The following DNAH6 variants were observed in gnomAD, a reference collection of about 807,000 sequenced individuals.
DNAH6 encodes the protein dynein axonemal heavy chain 6.
A neutral mutation model predicts 491.4 loss-of-function variants in DNAH6; 340 were observed. The ratio of observed to expected loss-of-function variants is 0.69; its 90% CI spans 0.63 to 0.76. DNAH6 has a LOEUF of 0.76. Among genes scored for constraint, DNAH6 ranks in the 30% least tolerant of loss-of-function variants. The pLI is 0.00. For synonymous variants in DNAH6, 1,603 were observed against 1,686.1 expected (o/e 0.95, Z 1.21); for missense variants, 4,443 against 4,972.2 (o/e 0.89, Z 3.20).
At chr2:84,495,857 A>G in the DNAH6 span, among the ~76,000 whole-genome samples, 9 of 152,242 alleles carry the variant, frequency 5.9e-5, no homozygotes, top group Admixed American at 1.3e-4. Context: ...TTGAGAGGTG[A>G]TTGGTCACAG....
At chr2:84,764,991 A>C (rs921629764) in intron 64 of DNAH6, among the ~76,000 whole-genome samples, 1 of 137,212 alleles carries the variant, frequency 7.3e-6, no homozygotes, top group South Asian at 2.4e-4. Context: ...AATATAATAC[A>C]CTATGGCCAT....
At chr2:84,673,463 G>A (rs1432309687) in intron 40 of DNAH6, among the ~76,000 whole-genome samples, 5 of 152,240 alleles carry the variant, frequency 3.3e-5, no homozygotes, top group Non-Finnish European at 4.4e-5. Context: ...GAAAGGTTTA[G>A]AAGCCAGAAG....
chr2:84,704,353 A>G, intron 51 of DNAH6, 51 bp downstream of exon 51: 1 of 1,328,084 alleles, frequency 7.5e-7, no homozygotes, highest in East Asian at 2.5e-5. Flanking sequence ...AGAGTTCTTT[A>G]CTGTTTTCCT....
chr2:84,614,366 A>C (rs1473864188), intron 22 of DNAH6, among the ~76,000 whole-genome samples: 1 of 152,134 alleles, frequency 6.6e-6, no homozygotes, highest in African/African-American at 2.4e-5. Flanking sequence ...CCATTATTTC[A>C]TTCCGTTTTA....
intron 46 of DNAH6, among the ~76,000 whole-genome samples, chr2:84,696,290 C>T (rs946585062): frequency 5.3e-5 from 8 of 151,766 alleles, no homozygotes; most frequent in African/African-American, 9.7e-5. Flanking sequence ...AAGCTGTACT[C>T]GTAACATTCT....
rs2104794387 is a variant in DNAH6, at chr2:84,694,387, T to C, written c.7431T>C (p.Tyr2477=). The part of the protein sequence containing the change: ...KCLQIELSRG[Y]NYDSFHEDLR... ...TGCAGATTGAACTCAGCCGGGGATATAATTATGATAGTTTTCATGAAGACC... is the reference window on the plus strand; with the variant it reads ...TGCAGATTGAACTCAGCCGGGGATACAATTATGATAGTTTTCATGAAGACC... The change falls in exon 46 of 77, where the codon TAT becomes TAC. Residue 2477 remains tyrosine (Y), a synonymous_variant. Coordinates refer to ENST00000389394, the MANE Select transcript of DNAH6 (RefSeq NM_001370.2). The C allele has an allele frequency of 1.3e-6, 2 of 1,552,368 alleles. No homozygotes were observed. The highest frequency in any genetic ancestry group is 4.9e-5 in the East Asian group (2 of 40,926).
intron 31 of DNAH6, among the ~76,000 whole-genome samples, chr2:84,638,372 C>T (rs1240208182): frequency 6.6e-6 from 1 of 152,042 alleles, no homozygotes; most frequent in East Asian, 1.9e-4. Flanking sequence ...CAATAAAGAG[C>T]ACAGCTCACA....
At chr2:84,669,850 G>T (rs930503242) in intron 38 of DNAH6, among the ~76,000 whole-genome samples, 10 of 152,120 alleles carry the variant, frequency 6.6e-5, no homozygotes, top group African/African-American at 2.4e-4. Context: ...AAAGACAGTT[G>T]ATAGAGATCA....
Position 84,688,420 on chromosome 2 carries a change from C to A in DNAH6, c.7138-19C>A, listed in dbSNP as rs1694504740. On this transcript the variant is annotated intron_variant, in intron 44 of 76. Transcript: ENST00000389394. Reference sequence around the variant, plus strand: ...CTATCAGAATTGATCCAACTTGGTTCTTCTCCCATAAATTATAGTTTGGAG... The same window carrying A: ...CTATCAGAATTGATCCAACTTGGTTATTCTCCCATAAATTATAGTTTGGAG... The A allele has an allele frequency of 6.8e-6, 10 of 1,472,204 alleles. No homozygotes were observed. The highest frequency in any genetic ancestry group is 1.5e-5 in the African/African-American group (1 of 67,882). 91.2% of individuals were successfully genotyped at this position (1,472,204 alleles called of 1,614,324 possible).
chr2:84,804,606 T>TAATTTTAAAAAAAATTAGAAA (rs1679242170), intron 70 of DNAH6, among the ~76,000 whole-genome samples: 1 of 152,124 alleles, frequency 6.6e-6, no homozygotes, highest in Non-Finnish European at 1.5e-5. Context: ...CGTATTTTTC[T>TAATTTTAAAAAAAATTAGAAA]AATTTTAAAA....
intron 11 of DNAH6, among the ~76,000 whole-genome samples, chr2:84,572,536 A>G (rs1682000962): frequency 6.6e-6 from 1 of 152,230 alleles, no homozygotes; most frequent in African/African-American, 2.4e-5. Flanking sequence ...AAGAAACAGC[A>G]GAAACATTCT....
At chr2:84,558,052 C>G (rs1353687707) in intron 11 of DNAH6, 117 bp downstream of exon 11, 5 of 584,930 alleles carry the variant, frequency 8.5e-6, no homozygotes, top group Non-Finnish European at 1.1e-5. Flanking sequence ...TGGCATATGC[C>G]TAAATCTCTA....
intron 7 of DNAH6, 78 bp from the exon 8 acceptor site, chr2:84,548,210 T>C: frequency 7.0e-7 from 1 of 1,429,398 alleles, no homozygotes; most frequent in Non-Finnish European, 9.4e-7. Context: ...ATTTTGTTTA[T>C]CTTTTCTTTG....
At chr2:84,781,720 T>G in intron 65 of DNAH6, 67 bp downstream of exon 65, 2 of 1,438,436 alleles carry the variant, frequency 1.4e-6, no homozygotes, top group Non-Finnish European at 1.9e-6. Flanking sequence ...GTTGAATTCA[T>G]TCCTTATAGT....
intron 56 of DNAH6, among the ~76,000 whole-genome samples, chr2:84,711,297 C>G (rs13410514): frequency 0.18 from 27,560 of 152,144 alleles, 2,699 homozygotes; most frequent in African/African-American, 0.24. Context: ...CACAAAGGCC[C>G]TGGGCACAAA....
intron 19 of DNAH6, among the ~76,000 whole-genome samples, chr2:84,605,253 T>C (rs907402784): frequency 2.0e-5 from 3 of 149,728 alleles, no homozygotes; most frequent in Non-Finnish European, 4.4e-5. Flanking sequence ...CTCGGGAGGC[T>C]GAGGCAGGAG....
At chr2:84,738,893 C>T (rs1672251184) in intron 62 of DNAH6, among the ~76,000 whole-genome samples, 1 of 152,058 alleles carries the variant, frequency 6.6e-6, no homozygotes, top group Admixed American at 6.6e-5. Flanking sequence ...AGCTTAGTTG[C>T]TTTGTAGTCT....
intron 29 of DNAH6, among the ~76,000 whole-genome samples, chr2:84,627,147 T>C (rs1016597898): frequency 3.9e-5 from 6 of 152,182 alleles, no homozygotes; most frequent in Non-Finnish European, 5.9e-5. Context: ...AAGCCCCACC[T>C]CAGACCTACT....
In DNAH6 at chr2:84,550,002, C is replaced by G; in HGVS notation, c.1430C>G (p.Ala477Gly). ...LTDKLKRTPSADVIQKWITEE... is the reference protein window; with the variant it reads ...LTDKLKRTPSGDVIQKWITEE... ...GACAAGCTAAAACGAACACCTTCAG[C>G]AGATGTCATTCAGAAATGGATTACT... The change falls in exon 9 of 77, where the codon GCA (alanine) becomes GGA (glycine). Residue 477 changes from alanine to glycine, a missense_variant. Around this residue, in one of 3 missense-constraint regions of DNAH6, gnomAD observed 2,977 missense variants for 3,296.6 expected, o/e 0.90. Transcript: ENST00000389394. The G allele has an allele frequency of 6.2e-7, 1 of 1,613,954 alleles. No individual in the cohort carries two copies. Among genetic ancestry groups the G allele is most frequent in the Non-Finnish European group, 8.5e-7 (1 of 1,179,944 alleles).
Sources: allele counts gnomAD v4.1 joint callset (sites outside exome capture counted in the v4.1 genomes callset), GRCh38; gene constraint gnomAD v4.1.1; regional missense constraint gnomAD v4.1.1; transcripts MANE v1.5; gene names NCBI Gene and HGNC (gene_info 2026-07-23, HGNC 2026-07-21).